KAZN: variants seen among roughly 807,000 people sequenced by gnomAD.
The protein encoded by KAZN is kazrin, periplakin interacting protein.
A neutral mutation model predicts 87.4 loss-of-function variants in KAZN; 40 were observed. The ratio of observed to expected loss-of-function variants is 0.46; its 90% confidence interval spans 0.36 to 0.60. The LOEUF (loss-of-function observed/expected upper bound fraction) is 0.60. Ranked by LOEUF, KAZN falls within the 20% of genes least tolerant of loss-of-function variation. The probability of loss-of-function intolerance (pLI) is 0.00; values close to 1 mark genes in which losing one functional copy is unlikely to be tolerated. For synonymous variants in KAZN, 466 were observed against 458.3 expected (o/e 1.02, Z -0.22); for missense variants, 898 against 1,073.9 (o/e 0.84, Z 2.29).
intron 2 of KAZN, among the ~76,000 whole-genome samples, chr1:14,418,352 G>A (rs751023082): frequency 1.3e-5 from 2 of 152,146 alleles, no homozygotes; most frequent in East Asian, 1.9e-4. Flanking sequence ...GCTGTGATCA[G>A]TAAAGGAGAT....
intron 2 of KAZN, among the ~76,000 whole-genome samples, chr1:14,398,693 C>T (rs1269048836): frequency 6.6e-6 from 1 of 152,194 alleles, no homozygotes; most frequent in African/African-American, 2.4e-5. Flanking sequence ...TGACTCTTTT[C>T]TATCTTCTCT....
chr1:14,758,695 G>A (rs984039395), intron 1 of KAZN, among the ~76,000 whole-genome samples: 2 of 152,118 alleles, frequency 1.3e-5, no homozygotes, highest in African/African-American at 4.8e-5. Context: ...ATGAGCTTGG[G>A]GTGTTGAATG....
chr1:14,021,907 C>T (rs1640841463), intron 1 of KAZN, among the ~76,000 whole-genome samples: 1 of 148,096 alleles, frequency 6.8e-6, no homozygotes, highest in Non-Finnish European at 1.5e-5. Flanking sequence ...ATGATTTTCT[C>T]TGGGATCAAT....
Position 14,186,533 on chromosome 1 carries a change from T to C in KAZN, c.249+5941T>C, listed in dbSNP as rs150998109. On this transcript the variant is annotated intron_variant, in intron 2 of 16. Transcript: ENST00000636203. Reference sequence around the variant, plus strand: ...TCAGCGTGCTGTGGTTAGGACAACTTGGCTCCAACCATTTTCTTTCTCTGT... The same window carrying C: ...TCAGCGTGCTGTGGTTAGGACAACTCGGCTCCAACCATTTTCTTTCTCTGT... Among the ~76,000 whole-genome samples the C allele has an allele frequency of 5.6e-3, 855 of 152,326 alleles. 9 individuals carry two copies. Among genetic ancestry groups the C allele is most frequent in the African/African-American group, 0.019 (798 of 41,572 alleles).
chr1:13,973,928 G>T (rs1642220084), intron 1 of KAZN, among the ~76,000 whole-genome samples: 1 of 152,202 alleles, frequency 6.6e-6, no homozygotes, highest in South Asian at 2.1e-4. Context: ...TTCACCAGGA[G>T]GATTCCTAAG....
chr1:14,205,801 G>A (rs955924667), intron 2 of KAZN, among the ~76,000 whole-genome samples: 2 of 141,612 alleles, frequency 1.4e-5, no homozygotes, highest in East Asian at 2.3e-4. Flanking sequence ...CAGGAGAATC[G>A]ATTGAACCCA....
intron 2 of KAZN, among the ~76,000 whole-genome samples, chr1:14,380,311 CAAAA>C (rs1377424564): frequency 1.3e-5 from 2 of 152,122 alleles, no homozygotes; most frequent in East Asian, 1.9e-4. Flanking sequence ...AATACCCAGA[CAAAA>C]ACAAACATAA....
chr1:14,654,149 C>T (rs1346681138), intron 1 of KAZN, among the ~76,000 whole-genome samples: 2 of 152,010 alleles, frequency 1.3e-5, no homozygotes, highest in African/African-American at 2.4e-5. Flanking sequence ...TCTCTGGGTG[C>T]GGTGGCAGGT....
chr1:14,466,263 C>G (rs1405007990), intron 2 of KAZN, among the ~76,000 whole-genome samples: 1 of 152,048 alleles, frequency 6.6e-6, no homozygotes, highest in Non-Finnish European at 1.5e-5. Flanking sequence ...TTTAGTGGCT[C>G]CCTATGACAT....
At chr1:14,987,420 G>C (rs61772172) in intron 2 of KAZN, among the ~76,000 whole-genome samples, 3,023 of 152,246 alleles carry the variant, frequency 0.02, 43 homozygotes, top group Middle Eastern at 0.051. Flanking sequence ...CTTGAACCCA[G>C]GAGGTGGAGG....
At chr1:15,089,996 TC>T (rs2100663892) in intron 8 of KAZN, among the ~76,000 whole-genome samples, 1 of 152,354 alleles carries the variant, frequency 6.6e-6, no homozygotes, top group East Asian at 1.9e-4. Context: ...CTTCGTGATT[TC>T]CCGGCTCTAA....
intron 1 of KAZN, among the ~76,000 whole-genome samples, chr1:14,605,731 G>A (rs1300235906): frequency 6.6e-6 from 1 of 152,108 alleles, no homozygotes; most frequent in African/African-American, 2.4e-5. Flanking sequence ...GGGTGCCAGA[G>A]GTGGAAGAAA....
intron 2 of KAZN, among the ~76,000 whole-genome samples, chr1:14,402,931 G>C (rs1265585746): frequency 6.6e-6 from 1 of 152,004 alleles, no homozygotes; most frequent in Non-Finnish European, 1.5e-5. Context: ...GGGTTCAAGT[G>C]ATTCTCATGC....
At chr1:14,155,840 G>A (rs139163271) in intron 1 of KAZN, among the ~76,000 whole-genome samples, 1 of 151,994 alleles carries the variant, frequency 6.6e-6, no homozygotes, top group Non-Finnish European at 1.5e-5. Context: ...AGTAGAGATG[G>A]GGTTTCACCA....
At chr1:14,436,717 C>T (rs1232832394) in intron 2 of KAZN, among the ~76,000 whole-genome samples, 1 of 51,312 alleles carries the variant, frequency 1.9e-5, no homozygotes, top group South Asian at 6.5e-4. Context: ...GACTCTGTCT[C>T]AAAAAAAAAA....
chr1:14,311,623 G>A (rs1655306378), intron 2 of KAZN, among the ~76,000 whole-genome samples: 2 of 152,148 alleles, frequency 1.3e-5, no homozygotes, highest in South Asian at 4.1e-4. Context: ...AGACATGACT[G>A]ACTCTGAAAG....
intron 1 of KAZN, among the ~76,000 whole-genome samples, chr1:14,741,431 T>C (rs1181862584): frequency 2.0e-5 from 3 of 152,224 alleles, no homozygotes; most frequent in Non-Finnish European, 2.9e-5. Flanking sequence ...TTCTTGGGTT[T>C]GTTGGCTTTT....
chr1:14,525,944 G>A (rs1671838684), intron 2 of KAZN, among the ~76,000 whole-genome samples: 1 of 152,194 alleles, frequency 6.6e-6, no homozygotes, highest in Admixed American at 6.5e-5. Flanking sequence ...TCAGAGCTGT[G>A]TTATTCACAG....
At chr1:14,866,637 G>A (rs775024947) in intron 1 of KAZN, among the ~76,000 whole-genome samples, 4 of 152,180 alleles carry the variant, frequency 2.6e-5, no homozygotes, top group Non-Finnish European at 4.4e-5. Context: ...TGAGGTAGGA[G>A]GATCCCTTGA....
Sources: allele counts gnomAD v4.1 joint callset (sites outside exome capture counted in the v4.1 genomes callset), GRCh38; gene constraint gnomAD v4.1.1; transcripts MANE v1.5; gene names NCBI Gene and HGNC (gene_info 2026-07-23, HGNC 2026-07-21).